The following GARNL3 variants were observed in gnomAD, a reference collection of about 807,000 sequenced individuals.
GARNL3 encodes the protein GTPase-activating Rap/Ran-GAP domain-like protein 3.
Under a neutral mutation model 125.0 loss-of-function variants are expected in GARNL3, and 63 were observed. The observed-to-expected ratio is 0.50, with a 90% confidence interval of 0.41 to 0.62. The LOEUF is 0.62. Among genes scored for constraint, GARNL3 ranks in the 20% least tolerant of loss-of-function variants. The probability of loss-of-function intolerance (pLI) is 0.00; values close to 1 mark genes in which losing one functional copy is unlikely to be tolerated. For missense variants in GARNL3, 994 were observed against 1,244.0 expected (o/e 0.80, Z 3.02); for synonymous variants, 439 against 457.5 (o/e 0.96, Z 0.52).
chr9:127,271,271 A>C (rs1415333974), intron 1 of GARNL3, among the ~76,000 whole-genome samples: 1 of 150,388 alleles, frequency 6.6e-6, no homozygotes, highest in Non-Finnish European at 1.5e-5. Context: ...GATATAGATT[A>C]TGAACTCCCT....
intron 15 of GARNL3, among the ~76,000 whole-genome samples, chr9:127,345,128 G>C (rs1431978626): frequency 2.0e-5 from 3 of 146,734 alleles, no homozygotes; most frequent in African/African-American, 4.8e-5. Flanking sequence ...CTGAGAATCT[G>C]CATTTTTTCA....
intron 6 of GARNL3, among the ~76,000 whole-genome samples, chr9:127,323,055 G>A (rs1358452037): frequency 2.0e-5 from 3 of 152,112 alleles, no homozygotes; most frequent in African/African-American, 7.2e-5. Context: ...TTTAAAAAGT[G>A]TATGTAAAAT....
intron 6 of GARNL3, among the ~76,000 whole-genome samples, chr9:127,321,597 T>G (rs2065404959): frequency 6.6e-6 from 1 of 152,230 alleles, no homozygotes; most frequent in African/African-American, 2.4e-5. Flanking sequence ...AGAAAAAAAT[T>G]TAGTCATAAT....
At chr9:127,337,873 G>A (rs1246185478) in intron 11 of GARNL3, among the ~76,000 whole-genome samples, 1 of 152,184 alleles carries the variant, frequency 6.6e-6, no homozygotes, top group Admixed American at 6.5e-5. Flanking sequence ...CAGCTTTGGA[G>A]ATTTAAACCT....
intron 2 of GARNL3, among the ~76,000 whole-genome samples, chr9:127,254,095 G>A (rs374267996): frequency 2.2e-4 from 34 of 152,144 alleles, no homozygotes; most frequent in Non-Finnish European, 4.6e-4. Context: ...GTTGGTCAGC[G>A]TCTCTCAGGG....
At chr9:127,307,754 G>T (rs2064995457) in intron 2 of GARNL3, among the ~76,000 whole-genome samples, 1 of 151,704 alleles carries the variant, frequency 6.6e-6, no homozygotes, top group Admixed American at 6.6e-5. Flanking sequence ...TTTCTAATAG[G>T]GCTAACAAGT....
intron 9 of GARNL3, among the ~76,000 whole-genome samples, chr9:127,333,908 G>T (rs1829404528): frequency 6.6e-6 from 1 of 152,166 alleles, no homozygotes; most frequent in Admixed American, 6.5e-5. Context: ...CTGTACCTTT[G>T]AGCAGACAGG....
intron 1 of GARNL3, among the ~76,000 whole-genome samples, chr9:127,233,326 G>A (rs944637862): frequency 1.3e-5 from 2 of 152,204 alleles, no homozygotes; most frequent in Non-Finnish European, 2.9e-5. Flanking sequence ...CTAGAAGGGG[G>A]TGAAACATGC....
chr9:127,361,843 C>T (rs1474099073), intron 21 of GARNL3: 1 of 152,254 alleles, frequency 6.6e-6, no homozygotes. Context: ...GCCTGAACTT[C>T]CTCCATACGT....
intron 1 of GARNL3, among the ~76,000 whole-genome samples, chr9:127,281,331 C>T (rs1468441434): frequency 6.6e-6 from 1 of 152,178 alleles, no homozygotes; most frequent in African/African-American, 2.4e-5. Context: ...GCTGTCAGAT[C>T]AATCATAGCG....
intron 2 of GARNL3, among the ~76,000 whole-genome samples, chr9:127,252,440 A>C (rs2063421868): frequency 6.6e-6 from 1 of 152,218 alleles, no homozygotes; most frequent in South Asian, 2.1e-4. Context: ...CACCACAATA[A>C]GTGCTTCATA....
intron 1 of GARNL3, among the ~76,000 whole-genome samples, chr9:127,277,736 T>C (rs150279693): frequency 6.6e-6 from 1 of 152,222 alleles, no homozygotes; most frequent in Non-Finnish European, 1.5e-5. Context: ...CTTATACTTT[T>C]TCATCGTTCT....
rs139634353 is a variant in GARNL3, at chr9:127,364,972, G to A, written c.2095-328G>A. ...GCAGTTTTTGCCATTGGAAATAATG[G>A]CATATAAACCTGAGGCATTTCAATA... On this transcript the variant is annotated intron_variant, in intron 21 of 27. Transcript: ENST00000373387. This position sits in a 1 kb window ranked among gnomAD's most constrained non-coding sequence, Gnocchi z 4.2. 1,050 of 273,828 alleles carry A rather than the reference G, an allele frequency of 3.8e-3. 4 individuals are homozygous for A. Among genetic ancestry groups the A allele is most frequent in the Non-Finnish European group, 4.7e-3 (682 of 146,374 alleles). The allele number at this position is 273,828 out of a possible 1,614,324, so 17.0% of individuals were successfully genotyped here.
chr9:127,291,957 G>A (rs146931710), intron 2 of GARNL3, among the ~76,000 whole-genome samples: 111 of 151,846 alleles, frequency 7.3e-4, no homozygotes, highest in African/African-American at 2.6e-3. Context: ...CAAGATTATT[G>A]CAAGAATTCA....
intron 17 of GARNL3, among the ~76,000 whole-genome samples, chr9:127,353,058 C>T (rs977638074): frequency 5.9e-5 from 9 of 152,098 alleles, no homozygotes; most frequent in Non-Finnish European, 1.3e-4. Flanking sequence ...CCTGTGTCCT[C>T]GGAGCCCTCA....
intron 1 of GARNL3, among the ~76,000 whole-genome samples, chr9:127,268,653 A>C (rs1371145260): frequency 6.6e-6 from 1 of 152,222 alleles, no homozygotes; most frequent in Non-Finnish European, 1.5e-5. Flanking sequence ...TACAACCATC[A>C]CTGCTATACA....
At chr9:127,240,654 A>G (rs761156959) in intron 1 of GARNL3, among the ~76,000 whole-genome samples, 58 of 152,288 alleles carry the variant, frequency 3.8e-4, no homozygotes, top group Non-Finnish European at 6.9e-4. Context: ...TGTAATCCCA[A>G]CACTTTGGGA....
intron 21 of GARNL3, chr9:127,362,000 C>T (rs1588934610): frequency 6.7e-6 from 1 of 149,308 alleles, no homozygotes; most frequent in African/African-American, 2.5e-5. Flanking sequence ...ATGGCCACCT[C>T]TGTGTACCAG....
intron 1 of GARNL3, among the ~76,000 whole-genome samples, chr9:127,275,297 T>C (rs556415625): frequency 5.3e-5 from 8 of 152,310 alleles, no homozygotes; most frequent in African/African-American, 1.9e-4. Flanking sequence ...AGGAATTTGG[T>C]GTTTTTGCCA....
Sources: gnomAD v4.1 joint callset for allele counts (sites outside exome capture counted in the v4.1 genomes callset) on GRCh38, gnomAD v4.1.1 for gene constraint, Gnocchi (gnomAD v3.1) non-coding constraint, MANE v1.5 for transcripts, NCBI Gene and HGNC (gene_info 2026-07-23, HGNC 2026-07-21) for gene names.